Variants in NLK observed in about 807,000 individuals in gnomAD.
NLK encodes serine/threonine-protein kinase NLK.
NLK carries 11 observed loss-of-function variants against 59.0 expected under a neutral mutation model. That is an observed-to-expected ratio of 0.19 (90% confidence interval 0.12 to 0.31). The LOEUF (loss-of-function observed/expected upper bound fraction) is 0.31. Ranked by LOEUF, NLK falls within the 10% of genes least tolerant of loss-of-function variation. The probability of loss-of-function intolerance (pLI) is 1.00; values close to 1 mark genes in which losing one functional copy is unlikely to be tolerated. For synonymous variants in NLK, 235 were observed against 235.9 expected, an observed-to-expected ratio of 1.00 and a Z score of 0.03; for missense variants, 410 against 661.1, an observed-to-expected ratio of 0.62 and a Z score of 4.16.
In NLK at chr17:28,065,465, G is replaced by T. The variant is rs530190481; in HGVS notation, c.458+22134G>T. Among the ~76,000 whole-genome samples, 10 of 152,292 alleles carry T rather than the reference G, an allele frequency of 6.6e-5. No individual in the cohort carries two copies. In the East Asian group the frequency reaches 1.5e-3, roughly 24 times the overall value. On this transcript the variant is annotated intron_variant, in intron 1 of 10. Coordinates refer to ENST00000407008, the MANE Select transcript of NLK (RefSeq NM_016231.5). ...TGTGATCGCTAAGAGATGAGAACAA[G>T]AGGTTGGATTATGAAGGACCCTTTT...
chr17:28,102,748 AT>A (rs1383147142), intron 1 of NLK, among the ~76,000 whole-genome samples: 1 of 152,202 alleles, frequency 6.6e-6, no homozygotes, highest in Non-Finnish European at 1.5e-5. Context: ...TGCAAAAGAA[AT>A]TTGGCAGACT....
At chr17:28,060,010 AAC>A (rs1198912589) in intron 1 of NLK, among the ~76,000 whole-genome samples, 1 of 152,228 alleles carries the variant, frequency 6.6e-6, no homozygotes, top group Non-Finnish European at 1.5e-5. Flanking sequence ...AAGTTTATAT[AAC>A]ATAGTTTTTT....
At chr17:28,125,707 A>G (rs935314342) in intron 2 of NLK, among the ~76,000 whole-genome samples, 5 of 152,198 alleles carry the variant, frequency 3.3e-5, no homozygotes, top group African/African-American at 9.7e-5. Flanking sequence ...CTAAGAGGCA[A>G]CTGGTATTTG....
intron 10 of NLK, among the ~76,000 whole-genome samples, chr17:28,193,472 G>T (rs527879512): frequency 1.3e-5 from 2 of 152,296 alleles, no homozygotes; most frequent in East Asian, 3.9e-4. Flanking sequence ...AACCAAGGAA[G>T]GGAGACTGCT....
chr17:28,073,916 T>C (rs1245192225), intron 1 of NLK, among the ~76,000 whole-genome samples: 2 of 152,238 alleles, frequency 1.3e-5, no homozygotes, highest in South Asian at 2.1e-4. Context: ...GCATGTAATA[T>C]GCATTCACTA....
intron 1 of NLK, chr17:28,047,811 A>G (rs1042531196): frequency 2.5e-6 from 1 of 393,834 alleles, no homozygotes; most frequent in East Asian, 3.6e-5. Flanking sequence ...CTAATTTGGA[A>G]AAATGCAGAA....
intron 1 of NLK, among the ~76,000 whole-genome samples, chr17:28,060,903 T>A (rs547752844): frequency 2.0e-4 from 30 of 152,308 alleles, no homozygotes; most frequent in Non-Finnish European, 2.4e-4. Context: ...TACAAAGATA[T>A]ATTTATAAGG....
At chr17:28,121,495 CTTTTTTTTT>C (rs58647578) in intron 1 of NLK, among the ~76,000 whole-genome samples, 7 of 72,298 alleles carry the variant, frequency 9.7e-5, no homozygotes, top group Non-Finnish European at 7.0e-5. Context: ...TCTTTCTTTT[CTTTTTTTTT>C]TTTTTTTTTT....
intron 1 of NLK, among the ~76,000 whole-genome samples, chr17:28,050,349 G>A (rs1021914537): frequency 1.3e-5 from 2 of 152,186 alleles, no homozygotes; most frequent in African/African-American, 4.8e-5. Context: ...GTGGTAGGAA[G>A]TGTAAGCTAG....
At chr17:28,111,894 GT>G (rs1262021933) in intron 1 of NLK, among the ~76,000 whole-genome samples, 3 of 102,400 alleles carry the variant, frequency 2.9e-5, no homozygotes, top group Admixed American at 9.9e-5. Context: ...GTGTGTGTGT[GT>G]GGTGTGTGTG....
chr17:28,199,904 G>T (rs1909586465), downstream of NLK, among the ~76,000 whole-genome samples: 1 of 152,118 alleles, frequency 6.6e-6, no homozygotes, highest in Admixed American at 6.5e-5. Flanking sequence ...AGGGTTGACT[G>T]CCCTGGAGTA....
Position 28,191,048 on chromosome 17 carries a change from T to G in NLK, c.1264T>G (p.Leu422Val), listed in dbSNP as rs1173227601. 6.2e-7 allele frequency: 1 copy of G among 1,607,440 alleles called. No homozygotes were observed. Among genetic ancestry groups the G allele is most frequent in the Admixed American group, 1.7e-5 (1 of 58,078 alleles). ...PSKRISAKDALAHPYLDEGRL... is the reference protein window; with the variant it reads ...PSKRISAKDAVAHPYLDEGRL... The stretch of plus-strand genomic sequence containing the variant: ...CAAAAGAATATCCGCTAAGGATGCC[T>G]TAGCCCACCCCTACCTAGATGAAGG... The change falls in exon 9 of 11, where the codon TTA (leucine) becomes GTA (valine). Residue 422 changes from leucine (L) to valine (V), a missense_variant. By Grantham distance (32) the Leu-to-Val change is conservative. Transcript: ENST00000407008.
intron 3 of NLK, among the ~76,000 whole-genome samples, chr17:28,132,993 G>C (rs996449309): frequency 5.9e-5 from 9 of 152,194 alleles, no homozygotes; most frequent in African/African-American, 1.7e-4. Context: ...TAGAACCCAG[G>C]AAAGTGCTTT....
At chr17:28,131,073 G>A (rs534731720) in intron 2 of NLK, among the ~76,000 whole-genome samples, 44 of 152,186 alleles carry the variant, frequency 2.9e-4, no homozygotes, top group African/African-American at 1.0e-3. Flanking sequence ...TTTAAAGTGA[G>A]TGAAGAATTT....
At chr17:28,129,329 C>T (rs993963649) in intron 2 of NLK, among the ~76,000 whole-genome samples, 12 of 151,860 alleles carry the variant, frequency 7.9e-5, no homozygotes, top group African/African-American at 2.9e-4. Flanking sequence ...GGCGCATGCC[C>T]GTAGTCCCAG....
At chr17:28,167,618 GGCAAGCAGAT>G (rs898437283) in intron 5 of NLK, among the ~76,000 whole-genome samples, 1 of 151,598 alleles carries the variant, frequency 6.6e-6, no homozygotes, top group Non-Finnish European at 1.5e-5. Flanking sequence ...GGGAGGCCAA[GGCAAGCAGAT>G]TGCTTGAACC....
chr17:28,111,683 T>C (rs2142803918), intron 1 of NLK, among the ~76,000 whole-genome samples: 1 of 152,282 alleles, frequency 6.6e-6, no homozygotes, highest in Admixed American at 6.5e-5. Flanking sequence ...GCAGACTTAA[T>C]GTGCAGAATC....
intron 1 of NLK, among the ~76,000 whole-genome samples, chr17:28,117,143 G>C (rs898916958): frequency 2.6e-5 from 4 of 152,132 alleles, no homozygotes; most frequent in Admixed American, 1.3e-4. Context: ...AGGCAGTTCA[G>C]ATTCCTCGTA....
intron 1 of NLK, among the ~76,000 whole-genome samples, chr17:28,050,003 A>C (rs966318505): frequency 6.6e-6 from 1 of 152,216 alleles, no homozygotes; most frequent in Non-Finnish European, 1.5e-5. Context: ...TATTATTTTC[A>C]CTTGTTCTTA....
Sources: allele counts gnomAD v4.1 joint callset (sites outside exome capture counted in the v4.1 genomes callset), GRCh38; gene constraint gnomAD v4.1.1; transcripts MANE v1.5; gene names NCBI Gene and HGNC (gene_info 2026-07-23, HGNC 2026-07-21).